Variants in MOB4 observed in about 807,000 individuals in gnomAD.
MOB4 encodes MOB-like protein phocein.
In MOB4, 4 loss-of-function variants were observed where a neutral mutation model predicts 32.2. That is an observed-to-expected ratio of 0.12 (90% confidence interval 0.06 to 0.28). The LOEUF is 0.28. Among genes scored for constraint, MOB4 ranks in the 10% least tolerant of loss-of-function variants. The pLI is 1.00. For missense variants in MOB4, 158 were observed against 271.2 expected (o/e 0.58, Z 2.93); for synonymous variants, 88 against 88.1 (o/e 1.00, Z 0.01).
chr2:197,535,544 C>T lies in MOB4; in HGVS notation c.138C>T (p.Asn46=). The change falls in exon 3 of 8, where the codon AAC becomes AAT. Residue 46 remains asparagine, a synonymous_variant. Coordinates refer to ENST00000323303, the MANE Select transcript of MOB4 (RefSeq NM_015387.5). ...TLAVQQYIQQ[N]IRADCSNIDK... is the part of the protein sequence containing the mutation. ...TTTGTTTTTAGTATATTCAACAGAA[C>T]ATAAGAGCAGATTGCTCCAATATTG... 1.2e-6 allele frequency: 2 copies of T among 1,608,890 alleles called. No individual in the cohort carries two copies. The highest frequency in any genetic ancestry group is 8.5e-7 in the Non-Finnish European group (1 of 1,178,878).
At chr2:197,515,823 AG>A (rs2086396887), upstream of MOB4, 1 of 522,472 alleles carries the variant, frequency 1.9e-6, no homozygotes, top group South Asian at 2.3e-5. Flanking sequence ...ACCGCCCCGC[AG>A]CCCTCGCAAA....
chr2:197,519,033 C>T (rs1388607725), intron 1 of MOB4, among the ~76,000 whole-genome samples: 1 of 152,000 alleles, frequency 6.6e-6, no homozygotes, highest in Non-Finnish European at 1.5e-5. Flanking sequence ...GCTGGGATTA[C>T]AGGCATGAGC....
At chr2:197,534,547 G>T (rs1266288127) in intron 2 of MOB4, among the ~76,000 whole-genome samples, 1 of 151,924 alleles carries the variant, frequency 6.6e-6, no homozygotes, top group African/African-American at 2.4e-5. Flanking sequence ...CTTTTTTGTT[G>T]TTGTTTTGTT....
Position 197,516,107 on chromosome 2 carries a change from G to A in MOB4, c.21G>A (p.Thr7=), listed in dbSNP as rs747530384. The change falls in exon 1 of 8, where the codon ACG becomes ACA. Residue 7 remains threonine (T), a synonymous_variant. Coordinates refer to ENST00000323303, the MANE Select transcript of MOB4 (RefSeq NM_015387.5). The part of the protein sequence containing the change: MVMAEG[T]AVLRRNRPGT... ...GCACTATGGTCATGGCGGAGGGGAC[G>A]GCAGTGCTGAGGCGGAACAGGCCGG... 8 of 1,602,910 alleles carry A rather than the reference G, an allele frequency of 5.0e-6. No homozygotes were observed. Among genetic ancestry groups the A allele is most frequent in the Non-Finnish European group, 6.8e-6 (8 of 1,175,938 alleles).
chr2:197,529,211 G>A (rs1489110163), intron 2 of MOB4, among the ~76,000 whole-genome samples: 1 of 151,834 alleles, frequency 6.6e-6, no homozygotes, highest in Admixed American at 6.6e-5. Context: ...CTCTTGACTT[G>A]CCTGCCTCAG....
intron 3 of MOB4, among the ~76,000 whole-genome samples, chr2:197,538,010 CCTCA>C (rs2086832215): frequency 6.6e-6 from 1 of 152,084 alleles, no homozygotes; most frequent in Non-Finnish European, 1.5e-5. Context: ...GATCTCCTGA[CCTCA>C]CGATCTGCCC....
rs2086685715 is a variant in MOB4, at chr2:197,530,660, C to CT, written c.124-4869dup. Among the ~76,000 whole-genome samples the CT allele has an allele frequency of 2.0e-5, 3 of 152,126 alleles. No individual in the cohort carries two copies. The South Asian group carries it at 6.2e-4, about 31-fold the overall frequency. ...GTTTTTTTTGAGACAGGGTCTCACT[C>CT]TGTCATTCCAGGCTGGTGTACAGTG... On this transcript the variant is annotated intron_variant, in intron 2 of 7. Transcript: ENST00000323303.
In MOB4 at chr2:197,550,645, G is replaced by A. The variant is rs774191648; in HGVS notation, c.677G>A (p.Ter226=). Residue 226 remains the stop codon, a stop_retained_variant, in exon 8 of 8, where the codon TGA becomes TAA. Coordinates refer to ENST00000323303, the MANE Select transcript of MOB4 (RefSeq NM_015387.5). ...TCAGTTTCTGGGGAAAGTGAAGCAT[G>A]AAGGGAATCATAGGAAAAATGTACT... ...QNSVSGESEA[*] 104 of 1,591,062 alleles carry A rather than the reference G, an allele frequency of 6.5e-5. No individual in the cohort carries two copies. The highest frequency in any genetic ancestry group is 8.7e-5 in the Non-Finnish European group (102 of 1,173,458).
intron 2 of MOB4, among the ~76,000 whole-genome samples, chr2:197,533,608 C>T (rs1397368387): frequency 2.0e-5 from 3 of 151,562 alleles, no homozygotes; most frequent in African/African-American, 7.3e-5. Flanking sequence ...GCTTGTATTC[C>T]CAGCTACTCG....
chr2:197,516,638 C>T (rs1423351960), intron 1 of MOB4: 3 of 472,242 alleles, frequency 6.4e-6, no homozygotes, highest in Non-Finnish European at 4.4e-6. Flanking sequence ...CTTGTCTAGC[C>T]GGATCCGGGT....
At chr2:197,532,893 C>G (rs185888330) in intron 2 of MOB4, among the ~76,000 whole-genome samples, 27 of 152,052 alleles carry the variant, frequency 1.8e-4, no homozygotes, top group Admixed American at 1.6e-3. Context: ...GAGGTCAGGA[C>G]TTCAAGACCA....
intron 3 of MOB4, among the ~76,000 whole-genome samples, chr2:197,536,624 CAG>C: frequency 1.0e-5 from 1 of 98,786 alleles, no homozygotes; most frequent in Non-Finnish European, 1.8e-5. Flanking sequence ...TTTTTTGAGA[CAG>C]AGTCTTGCTC....
At position 197,550,365 on chromosome 2, in the gene MOB4, G is replaced by A. The variant is rs1265261752; in HGVS notation, c.525G>A (p.Arg175=). 2 of 1,613,330 alleles carry A rather than the reference G, an allele frequency of 1.2e-6. No individual in the cohort carries two copies. Among genetic ancestry groups the A allele is most frequent in the Non-Finnish European group, 8.5e-7 (1 of 1,179,760 alleles). Residue 175 remains arginine, a synonymous_variant, in exon 7 of 8, where the codon CGG becomes CGA. Coordinates refer to ENST00000323303, the MANE Select transcript of MOB4 (RefSeq NM_015387.5). The stretch of plus-strand genomic sequence containing the variant: ...TTTCACATGCTTATTTTCATCATCG[G>A]CAGATATTTGATGAATATGAAGTAA... The part of the protein sequence containing the change: ...RIFSHAYFHH[R]QIFDEYENET...
chr2:197,522,083 A>G (rs1347112257), intron 1 of MOB4, among the ~76,000 whole-genome samples: 1 of 152,150 alleles, frequency 6.6e-6, no homozygotes, highest in Non-Finnish European at 1.5e-5. Context: ...TTGGAGAACT[A>G]ATAAATGTCC....
intron 2 of MOB4, among the ~76,000 whole-genome samples, chr2:197,526,945 C>A (rs917680169): frequency 3.3e-5 from 5 of 152,086 alleles, no homozygotes; most frequent in Admixed American, 6.6e-5. Context: ...AATCCTCCAA[C>A]TTTGTTCCTT....
intron 2 of MOB4, among the ~76,000 whole-genome samples, chr2:197,525,116 C>T (rs941338968): frequency 2.6e-5 from 4 of 152,042 alleles, no homozygotes; most frequent in African/African-American, 4.8e-5. Flanking sequence ...GAGGCCAAGG[C>T]GAGCGGATCA....
chr2:197,519,974 C>T (rs1313356543), intron 1 of MOB4, among the ~76,000 whole-genome samples: 3 of 152,042 alleles, frequency 2.0e-5, no homozygotes, highest in Non-Finnish European at 4.4e-5. Flanking sequence ...AGTTCATTTT[C>T]ATCCAGATAG....
intron 2 of MOB4, among the ~76,000 whole-genome samples, chr2:197,525,874 G>C (rs2086603942): frequency 6.6e-6 from 1 of 152,292 alleles, no homozygotes; most frequent in East Asian, 1.9e-4. Flanking sequence ...AAAATGTACA[G>C]ATGGTTATCT....
chr2:197,531,305 A>G (rs927821694), intron 2 of MOB4, among the ~76,000 whole-genome samples: 7 of 151,896 alleles, frequency 4.6e-5, no homozygotes, highest in African/African-American at 1.7e-4. Flanking sequence ...CGGCCTCCCA[A>G]AGTGCTGGGA....
Sources: allele counts gnomAD v4.1 joint callset (sites outside exome capture counted in the v4.1 genomes callset), GRCh38; gene constraint gnomAD v4.1.1; transcripts MANE v1.5; gene names NCBI Gene and HGNC (gene_info 2026-07-23, HGNC 2026-07-21).